Variants in VGLL4 observed in about 807,000 individuals in gnomAD.
VGLL4 encodes the protein transcription cofactor vestigial-like protein 4.
In VGLL4, 7 loss-of-function variants were observed where a neutral mutation model predicts 21.0. That is an observed-to-expected ratio of 0.33 (90% CI 0.19 to 0.63). The LOEUF (loss-of-function observed/expected upper bound fraction) is 0.63, where lower values mean the gene tolerates loss of function less well. Ranked by LOEUF, VGLL4 falls within the 20% of genes least tolerant of loss-of-function variation. The pLI is 0.78. For synonymous variants in VGLL4, 222 were observed against 173.2 expected (o/e 1.28, Z -2.21); for missense variants, 394 against 425.7 (o/e 0.93, Z 0.66).
intron 1 of VGLL4, among the ~76,000 whole-genome samples, chr3:11,706,627 G>C (rs9833975): frequency 0.73 from 110,514 of 152,122 alleles, 40,633 homozygotes; most frequent in African/African-American, 0.81. Context: ...AAAGCCACTT[G>C]GAAAATTTCC....
At chr3:11,587,589 T>A (rs986519576) in intron 2 of VGLL4, among the ~76,000 whole-genome samples, 2 of 152,182 alleles carry the variant, frequency 1.3e-5, no homozygotes, top group Non-Finnish European at 2.9e-5. Context: ...TGGAAAAATT[T>A]GAAAAATACC....
intron 2 of VGLL4, among the ~76,000 whole-genome samples, chr3:11,674,885 C>CT (rs2076268593): frequency 6.6e-6 from 1 of 152,084 alleles, no homozygotes; most frequent in Non-Finnish European, 1.5e-5. Context: ...AGACATGAGA[C>CT]TAAGGAATAC....
intron 2 of VGLL4, among the ~76,000 whole-genome samples, chr3:11,578,823 C>G (rs2074136976): frequency 7.3e-6 from 1 of 136,724 alleles, no homozygotes; most frequent in African/African-American, 2.7e-5. Flanking sequence ...GATCTCTGCT[C>G]ATCGCAAGCT....
chr3:11,665,107 T>C (rs13069949), intron 2 of VGLL4, among the ~76,000 whole-genome samples: 15,225 of 65,078 alleles, frequency 0.23, 1,503 homozygotes, highest in Non-Finnish European at 0.33. Context: ...TTTTCTTTTT[T>C]TTTTTTTTTT....
intron 2 of VGLL4, among the ~76,000 whole-genome samples, chr3:11,656,837 G>C (rs1469190781): frequency 1.3e-5 from 2 of 152,294 alleles, no homozygotes; most frequent in East Asian, 3.9e-4. Flanking sequence ...AGATGACTGT[G>C]ACCCCAGCAA....
Position 11,712,115 on chromosome 3 carries a change from G to A in VGLL4, c.-14+8279C>T, listed in dbSNP as rs567982637. 2.9e-3 allele frequency among the ~76,000 whole-genome samples: 436 copies of A among 151,920 alleles called. 3 individuals carry two copies. Among genetic ancestry groups the A allele is most frequent in the Non-Finnish European group, 2.3e-3 (157 of 67,972 alleles). On this transcript the variant is annotated intron_variant, in intron 1 of 5. Coordinates refer to the VGLL4 transcript ENST00000273038. Reference sequence around the variant, plus strand: ...ATTTGAGTAATCCTTTTTTCTTCTCGCACTTTACCATCTGTTAAGTCAACA... The same window carrying A: ...ATTTGAGTAATCCTTTTTTCTTCTCACACTTTACCATCTGTTAAGTCAACA...
chr3:11,591,834 C>T (rs1575425770), intron 2 of VGLL4, among the ~76,000 whole-genome samples: 1 of 152,232 alleles, frequency 6.6e-6, no homozygotes, highest in South Asian at 2.1e-4. Flanking sequence ...GGTGACGATC[C>T]TCCCTAATGG....
intron 2 of VGLL4, among the ~76,000 whole-genome samples, chr3:11,591,811 G>T (rs545357904): frequency 3.2e-4 from 49 of 152,336 alleles, no homozygotes; most frequent in African/African-American, 9.1e-4. Flanking sequence ...ACCTCACAGA[G>T]AATCAGTTCC....
At chr3:11,593,980 C>T (rs1314770394) in intron 2 of VGLL4, among the ~76,000 whole-genome samples, 1 of 152,158 alleles carries the variant, frequency 6.6e-6, no homozygotes, top group African/African-American at 2.4e-5. Flanking sequence ...ATTCTGTGGC[C>T]GGGGGCAAAT....
chr3:11,632,623 T>C (rs1245418528), intron 1 of VGLL4, among the ~76,000 whole-genome samples: 2 of 152,196 alleles, frequency 1.3e-5, no homozygotes, highest in Non-Finnish European at 2.9e-5. Context: ...CCTCTCAAAT[T>C]CATATTCTGA....
chr3:11,636,106 C>T (rs868544834), intron 1 of VGLL4, among the ~76,000 whole-genome samples: 17 of 152,290 alleles, frequency 1.1e-4, no homozygotes, highest in African/African-American at 3.6e-4. Context: ...AATCTCTTGT[C>T]GCGTTAATAG....
At chr3:11,611,497 C>T (rs2075062170) in intron 1 of VGLL4, 1 of 152,174 alleles carries the variant, frequency 6.6e-6, no homozygotes, top group Admixed American at 6.5e-5. Flanking sequence ...TTGTTTAAAC[C>T]ACCCAGTCTG....
chr3:11,682,987 G>C (rs2076397668), intron 2 of VGLL4, among the ~76,000 whole-genome samples: 1 of 152,092 alleles, frequency 6.6e-6, no homozygotes, highest in African/African-American at 2.4e-5. Context: ...CAGAACTTTG[G>C]GAGGCCGAGG....
chr3:11,578,715 G>A (rs1441100595), intron 2 of VGLL4, among the ~76,000 whole-genome samples: 1 of 147,320 alleles, frequency 6.8e-6, no homozygotes, highest in East Asian at 2.0e-4. Flanking sequence ...TGCTCATCTA[G>A]TAAGAGATTT....
intron 1 of VGLL4, among the ~76,000 whole-genome samples, chr3:11,633,826 C>T (rs574334776): frequency 4.6e-5 from 7 of 152,198 alleles, no homozygotes; most frequent in South Asian, 2.1e-4. Context: ...AGCAGTTTCA[C>T]GTTATGTGGA....
chr3:11,576,061 T>G (rs904230380), intron 2 of VGLL4, among the ~76,000 whole-genome samples: 1 of 152,224 alleles, frequency 6.6e-6, no homozygotes, highest in Non-Finnish European at 1.5e-5. Flanking sequence ...TAGCTTTAGT[T>G]TTTTAAGAAA....
chr3:11,629,147 C>T (rs1187993075), intron 1 of VGLL4, among the ~76,000 whole-genome samples: 1 of 152,060 alleles, frequency 6.6e-6, no homozygotes, highest in African/African-American at 2.4e-5. Flanking sequence ...AAATTTTAAA[C>T]ACACTATGAT....
chr3:11,563,198 G>A lies in VGLL4; in HGVS notation c.495+1599C>T, dbSNP rs984964377. Among the ~76,000 whole-genome samples the A allele has an allele frequency of 2.0e-5, 3 of 152,216 alleles. No homozygotes were observed. The East Asian group carries it at 5.8e-4, about 29-fold the overall frequency. ...AGTTATGTCCCCCAGGTCATCAAGG[G>A]CCAGAGGCTGGATGTGGGTGCTCCG... On this transcript the variant is annotated intron_variant, in intron 3 of 4. Transcript: ENST00000430365.
Position 11,719,862 on chromosome 3 carries a change from G to C in VGLL4, c.-14+532C>G, listed in dbSNP as rs974348245. On this transcript the variant is annotated intron_variant, in intron 1 of 5. Coordinates refer to the VGLL4 transcript ENST00000273038. This position sits in a 1 kb window ranked among gnomAD's most constrained non-coding sequence, Gnocchi z 4.0. Reference sequence around the variant, plus strand: ...GCCGATGCCGGCGCGCTGGGGCAGTGAGGTTTGTCGGGGCGGGCGCTCCCG... The same window carrying C: ...GCCGATGCCGGCGCGCTGGGGCAGTCAGGTTTGTCGGGGCGGGCGCTCCCG... Among the ~76,000 whole-genome samples the C allele has an allele frequency of 5.9e-5, 9 of 152,196 alleles. No homozygotes were observed. Among genetic ancestry groups the C allele is most frequent in the African/African-American group, 1.7e-4 (7 of 41,548 alleles).
Sources: gnomAD v4.1 joint callset for allele counts (sites outside exome capture counted in the v4.1 genomes callset) on GRCh38, gnomAD v4.1.1 for gene constraint, Gnocchi (gnomAD v3.1) non-coding constraint, MANE v1.5 for transcripts, NCBI Gene and HGNC (gene_info 2026-07-23, HGNC 2026-07-21) for gene names.